The following ADAM9 variants were observed in gnomAD, a reference collection of about 807,000 sequenced individuals.
The protein encoded by ADAM9 is ADAM metallopeptidase domain 9, also known as disintegrin and metalloproteinase domain-containing protein 9.
A neutral mutation model predicts 108.1 loss-of-function variants in ADAM9; 54 were observed. That is an observed-to-expected ratio of 0.50 (90% CI 0.40 to 0.63). The LOEUF is 0.63. Ranked by LOEUF, ADAM9 falls within the 20% of genes least tolerant of loss-of-function variation. The probability of loss-of-function intolerance (pLI) is 0.00; values close to 1 mark genes in which losing one functional copy is unlikely to be tolerated. For synonymous variants in ADAM9, 316 were observed against 336.0 expected, an observed-to-expected ratio of 0.94 and a Z score of 0.65; for missense variants, 830 against 997.7, an observed-to-expected ratio of 0.83 and a Z score of 2.26.
chr8:39,016,166 A>G lies in ADAM9; in HGVS notation c.382A>G (p.Ile128Val), dbSNP rs772105315. Residue 128 changes from isoleucine to valine, a missense_variant, in exon 5 of 22, where the codon ATT becomes GTT. By Grantham distance (29) the Ile-to-Val change is conservative. This residue lies in a region of ADAM9 where 211 missense variants were observed against 222.2 expected (regional missense o/e 0.95). Transcript: ENST00000487273. ...TGTGGAGGGAGTTCATAATTCATCC[A>G]TTGCTCTTAGCGACTGTTTTGGACT... ...GYVEGVHNSS[I>V]ALSDCFGLRG... 3.1e-6 allele frequency: 5 copies of G among 1,613,622 alleles called. No homozygotes were observed. The highest frequency in any genetic ancestry group is 2.2e-5 in the East Asian group (1 of 44,854).
At position 39,090,499 on chromosome 8, in the gene ADAM9, G is replaced by A. The variant is rs367686672; in HGVS notation, c.2210+311G>A. Reference sequence around the variant, plus strand: ...AAATAATTTATAAAGTATTAATGCTGATAGTCATATCACCAGAGATTGGTA... The same window carrying A: ...AAATAATTTATAAAGTATTAATGCTAATAGTCATATCACCAGAGATTGGTA... On this transcript the variant is annotated intron_variant, in intron 19 of 21. Transcript: ENST00000487273. 1.4e-4 allele frequency among the ~76,000 whole-genome samples: 21 copies of A among 152,254 alleles called. No individual in the cohort carries two copies. In the South Asian group the frequency reaches 2.1e-3, roughly 15 times the overall value.
At chr8:39,041,433 G>A (rs1194731526) in intron 11 of ADAM9, among the ~76,000 whole-genome samples, 1 of 152,198 alleles carries the variant, frequency 6.6e-6, no homozygotes, top group Non-Finnish European at 1.5e-5. Context: ...TGTGCAGTCT[G>A]CCTTTTGATG....
At chr8:39,038,731 C>CA (rs113029171) in intron 11 of ADAM9, among the ~76,000 whole-genome samples, 238 of 152,158 alleles carry the variant, frequency 1.6e-3, no homozygotes, top group African/African-American at 5.6e-3. Context: ...TGATATTGCA[C>CA]AAAAGGACTC....
chr8:39,037,365 A>G (rs962663812), intron 11 of ADAM9, among the ~76,000 whole-genome samples: 3 of 148,156 alleles, frequency 2.0e-5, no homozygotes, highest in Non-Finnish European at 3.0e-5. Flanking sequence ...CGCAAGTTCT[A>G]TGGCCATTGT....
chr8:39,022,568 CAG>C (rs1836781607), intron 8 of ADAM9, among the ~76,000 whole-genome samples: 1 of 152,050 alleles, frequency 6.6e-6, no homozygotes, highest in Non-Finnish European at 1.5e-5. Context: ...TGCATTATAT[CAG>C]GGCAAATTTT....
rs751368750 is a variant in ADAM9 at position 39,026,811 on chromosome 8, G to GT, written c.1130+2dup. 23 of 1,528,132 alleles carry GT rather than the reference G, an allele frequency of 1.5e-5. No individual in the cohort carries two copies. In the South Asian group the frequency reaches 2.6e-4, roughly 17 times the overall value. The allele number at this position is 1,528,132 out of a possible 1,614,324, so 94.7% of individuals were successfully genotyped here. On this transcript the variant is annotated splice_donor_variant, in intron 11 of 21. Transcript: ENST00000487273. LOFTEE classifies it high-confidence loss of function. ...GCTGCATCATGAATTCAGGAGCATC[G>GT]TGAGTACCTGGGTTCTTCTTCTCCT...
chr8:39,039,781 C>G (rs1160434200), intron 11 of ADAM9, among the ~76,000 whole-genome samples: 3 of 152,218 alleles, frequency 2.0e-5, no homozygotes, highest in Non-Finnish European at 4.4e-5. Context: ...TTTGTCCATT[C>G]AACTGTTGAC....
At chr8:39,002,433 C>G (rs1438571166) in intron 1 of ADAM9, among the ~76,000 whole-genome samples, 2 of 151,174 alleles carry the variant, frequency 1.3e-5, no homozygotes, top group Non-Finnish European at 2.9e-5. Flanking sequence ...ATTCTTCTGC[C>G]TCAGCCTCCC....
chr8:39,086,893 G>A (rs1408338613), intron 18 of ADAM9, among the ~76,000 whole-genome samples: 1 of 152,156 alleles, frequency 6.6e-6, no homozygotes, highest in Non-Finnish European at 1.5e-5. Context: ...TTAGTACCAC[G>A]TTAATTATGA....
intron 14 of ADAM9, among the ~76,000 whole-genome samples, chr8:39,069,541 G>A (rs902398975): frequency 5.9e-5 from 9 of 152,048 alleles, no homozygotes; most frequent in Admixed American, 2.6e-4. Flanking sequence ...AGGTATTGAC[G>A]CTTACTATCA....
At chr8:39,071,462 TATC>T in intron 15 of ADAM9, 59 bp downstream of exon 15, 3 of 1,126,914 alleles carry the variant, frequency 2.7e-6, no homozygotes, top group Non-Finnish European at 2.5e-6. Context: ...TCATCTCTAG[TATC>T]TTTTTTTTTT....
chr8:39,100,351 G>A (rs1290522665), intron 20 of ADAM9, among the ~76,000 whole-genome samples: 4 of 151,922 alleles, frequency 2.6e-5, no homozygotes, highest in Non-Finnish European at 2.9e-5. Context: ...AAATTAGCCA[G>A]GCGTGGTGGT....
At chr8:39,016,991 CAG>C (rs1836553911) in intron 5 of ADAM9, 3 of 536,726 alleles carry the variant, frequency 5.6e-6, no homozygotes, top group African/African-American at 1.9e-5. Flanking sequence ...GTAGATCACT[CAG>C]GGAGGTTAAG....
At chr8:39,050,574 G>A (rs1837925323) in intron 12 of ADAM9, among the ~76,000 whole-genome samples, 1 of 151,794 alleles carries the variant, frequency 6.6e-6, no homozygotes, top group African/African-American at 2.4e-5. Flanking sequence ...TTAAGTTGGT[G>A]TATTCTTCAG....
At chr8:39,070,187 T>G (rs1346559270) in intron 14 of ADAM9, among the ~76,000 whole-genome samples, 4 of 150,154 alleles carry the variant, frequency 2.7e-5, no homozygotes, top group Admixed American at 6.6e-5. Flanking sequence ...AAAATGTAAC[T>G]GCCCGTTTTC....
At chr8:39,060,796 G>T (rs1838275311) in intron 14 of ADAM9, among the ~76,000 whole-genome samples, 1 of 152,180 alleles carries the variant, frequency 6.6e-6, no homozygotes, top group Non-Finnish European at 1.5e-5. Flanking sequence ...ATTATGACAT[G>T]GGGCTCCAGA....
At chr8:39,094,893 C>T (rs1839454950) in intron 20 of ADAM9, among the ~76,000 whole-genome samples, 1 of 151,792 alleles carries the variant, frequency 6.6e-6, no homozygotes, top group Non-Finnish European at 1.5e-5. Context: ...ACTATTTTTC[C>T]AGTATTTCAT....
chr8:39,053,967 G>A (rs1838034106), intron 12 of ADAM9, among the ~76,000 whole-genome samples: 2 of 152,140 alleles, frequency 1.3e-5, no homozygotes, highest in Admixed American at 1.3e-4. Context: ...AAGTAATTAA[G>A]GTTAAACGAG....
At chr8:39,017,526 G>A (rs937653297) in intron 6 of ADAM9, 112 bp downstream of exon 6, 6 of 1,108,286 alleles carry the variant, frequency 5.4e-6, no homozygotes, top group African/African-American at 1.6e-5. Flanking sequence ...TCTTAATTTT[G>A]CCAAATATAT....
Sources: gnomAD v4.1 joint callset for allele counts (sites outside exome capture counted in the v4.1 genomes callset) on GRCh38, gnomAD v4.1.1 for gene constraint, gnomAD v4.1.1 regional missense constraint, MANE v1.5 for transcripts, NCBI Gene and HGNC (gene_info 2026-07-23, HGNC 2026-07-21) for gene names.